The following RBFOX1 variants were observed in gnomAD, a reference collection of about 807,000 sequenced individuals.
RBFOX1 encodes RNA binding protein fox-1 homolog 1.
In RBFOX1, 8 loss-of-function variants were observed where a neutral mutation model predicts 57.7. The observed-to-expected ratio is 0.14, with a 90% confidence interval of 0.08 to 0.25. RBFOX1 has a LOEUF of 0.25. Ranked by LOEUF, RBFOX1 falls within the 10% of genes least tolerant of loss-of-function variation. The pLI, the probability that RBFOX1 is intolerant of heterozygous loss-of-function variation, is 1.00. For synonymous variants in RBFOX1, 326 were observed against 222.4 expected (o/e 1.47, Z -4.15); for missense variants, 611 against 548.5 (o/e 1.11, Z -1.14).
intron 3 of RBFOX1, among the ~76,000 whole-genome samples, chr16:6,733,936 A>G (rs1568395322): frequency 1.3e-5 from 2 of 152,170 alleles, no homozygotes; most frequent in South Asian, 2.1e-4. Context: ...GATAGTCTGA[A>G]TAGCATCGTT....
rs2048961127 is a variant in RBFOX1 at position 5,643,846 on chromosome 16, T to C, written c.318+44885T>C. On this transcript the variant is annotated intron_variant, in intron 3 of 19. Transcript: ENST00000641259. ...ATGTGCCAGGCACATTCACGTGGGATGGAGCTCACCCTGCACACGCATAAA... is the reference window on the plus strand; with the variant it reads ...ATGTGCCAGGCACATTCACGTGGGACGGAGCTCACCCTGCACACGCATAAA... Among the ~76,000 whole-genome samples the C allele has an allele frequency of 2.0e-5, 3 of 152,348 alleles. No homozygotes were observed. The South Asian group carries it at 6.2e-4, about 32-fold the overall frequency.
intron 14 of RBFOX1, among the ~76,000 whole-genome samples, chr16:7,679,443 A>G (rs2074194159): frequency 6.6e-6 from 1 of 152,210 alleles, no homozygotes; most frequent in South Asian, 2.1e-4. Flanking sequence ...CGTCCAAAAT[A>G]GGAAGTAAAA....
chr16:6,698,644 G>C (rs543408895), intron 3 of RBFOX1, among the ~76,000 whole-genome samples: 1 of 152,212 alleles, frequency 6.6e-6, no homozygotes, highest in Non-Finnish European at 1.5e-5. Flanking sequence ...AGGCAGACGT[G>C]GTGGGACCAC....
chr16:5,392,814 C>A (rs1217104282), intron 1 of RBFOX1, among the ~76,000 whole-genome samples: 1 of 152,140 alleles, frequency 6.6e-6, no homozygotes, highest in African/African-American at 2.4e-5. Context: ...ACCCTGTGGG[C>A]AGCAGGAGCA....
chr16:6,199,389 C>T (rs368693150), intron 1 of RBFOX1, among the ~76,000 whole-genome samples: 55 of 152,252 alleles, frequency 3.6e-4, no homozygotes, highest in African/African-American at 1.3e-3. Context: ...TGAGCTGTGA[C>T]CATAGTCTCC....
chr16:5,382,839 T>C lies in RBFOX1; in HGVS notation c.220-84377T>C, dbSNP rs546685471. ...TCTCTCTGAATCTTCTAAACATTTA[T>C]TGGAGATAATTTATGCCCATTTTAT... On this transcript the variant is annotated intron_variant, in intron 1 of 2. Coordinates refer to the RBFOX1 transcript ENST00000585867. Among the ~76,000 whole-genome samples the C allele has an allele frequency of 1.2e-4, 18 of 152,370 alleles. No individual in the cohort carries two copies. In the East Asian group the frequency reaches 3.3e-3, roughly 28 times the overall value.
At chr16:5,834,746 C>G (rs146223305) in intron 3 of RBFOX1, among the ~76,000 whole-genome samples, 12,144 of 130,306 alleles carry the variant, frequency 0.093, 1,096 homozygotes, top group African/African-American at 0.24. Flanking sequence ...TACATACATA[C>G]ATACATACAT....
chr16:6,785,582 T>C (rs2081817748), intron 3 of RBFOX1, among the ~76,000 whole-genome samples: 1 of 152,164 alleles, frequency 6.6e-6, no homozygotes, highest in Non-Finnish European at 1.5e-5. Flanking sequence ...GGGGACAAGT[T>C]TTCCATTAAA....
chr16:6,043,675 G>A (rs1172430087), intron 1 of RBFOX1, among the ~76,000 whole-genome samples: 1 of 152,154 alleles, frequency 6.6e-6, no homozygotes, highest in Non-Finnish European at 1.5e-5. Flanking sequence ...AAGAGACATA[G>A]GATTTTATTT....
At chr16:6,038,721 T>G (rs371065593) in intron 1 of RBFOX1, 9 of 149,012 alleles carry the variant, frequency 6.0e-5, no homozygotes, top group Non-Finnish European at 8.9e-5. Context: ...TGTATTTGAT[T>G]GCTTTAGAGC....
intron 1 of RBFOX1, among the ~76,000 whole-genome samples, chr16:6,060,159 A>G (rs978495250): frequency 2.5e-5 from 2 of 79,390 alleles, no homozygotes; most frequent in African/African-American, 5.2e-5. Flanking sequence ...TTTTTTTTTT[A>G]CGTATAACAA....
chr16:7,506,579 TTCATCATCA>T (rs796170479), intron 4 of RBFOX1, among the ~76,000 whole-genome samples: 2 of 146,228 alleles, frequency 1.4e-5, no homozygotes, highest in Non-Finnish European at 1.5e-5. Context: ...TACCATCACC[TTCATCATCA>T]TCATCATCAT....
intron 14 of RBFOX1, among the ~76,000 whole-genome samples, chr16:7,694,025 T>G (rs1472356388): frequency 6.6e-6 from 1 of 151,882 alleles, no homozygotes; most frequent in African/African-American, 2.4e-5. Context: ...ACACCTGTCT[T>G]TTTTCTTTGA....
chr16:7,243,783 C>T (rs879405855), intron 4 of RBFOX1, among the ~76,000 whole-genome samples: 3 of 152,076 alleles, frequency 2.0e-5, no homozygotes, highest in Non-Finnish European at 1.5e-5. Flanking sequence ...CTTTTAGGCT[C>T]AAGTGATCCT....
chr16:6,600,466 G>GA (rs1236354093), intron 2 of RBFOX1, among the ~76,000 whole-genome samples: 1 of 152,166 alleles, frequency 6.6e-6, no homozygotes, highest in Non-Finnish European at 1.5e-5. Flanking sequence ...CTGGCATTCT[G>GA]AAAAGAACCA....
intron 2 of RBFOX1, among the ~76,000 whole-genome samples, chr16:6,351,613 A>T (rs1484343057): frequency 6.6e-6 from 1 of 151,958 alleles, no homozygotes; most frequent in East Asian, 1.9e-4. Flanking sequence ...ACCTCAGGTG[A>T]TCCGCCCGTC....
intron 3 of RBFOX1, among the ~76,000 whole-genome samples, chr16:5,677,595 G>C (rs908514720): frequency 1.3e-5 from 2 of 152,154 alleles, no homozygotes; most frequent in African/African-American, 4.8e-5. Flanking sequence ...TGAGACACTA[G>C]ATTAACTTCT....
intron 1 of RBFOX1, among the ~76,000 whole-genome samples, chr16:5,435,011 C>G (rs2067872936): frequency 6.6e-6 from 1 of 152,206 alleles, no homozygotes; most frequent in Non-Finnish European, 1.5e-5. Context: ...CTGTGACTGT[C>G]CTTGCCACCC....
intron 3 of RBFOX1, among the ~76,000 whole-genome samples, chr16:5,770,530 C>G (rs944737013): frequency 2.7e-4 from 41 of 152,262 alleles, no homozygotes; most frequent in African/African-American, 9.6e-4. Context: ...ATAAAGCTAG[C>G]CAACAGTCCA....
Sources: allele counts gnomAD v4.1 joint callset (sites outside exome capture counted in the v4.1 genomes callset), GRCh38; gene constraint gnomAD v4.1.1; transcripts MANE v1.5; gene names NCBI Gene and HGNC (gene_info 2026-07-23, HGNC 2026-07-21).